The following RIMS1 variants were observed in gnomAD, a reference collection of about 807,000 sequenced individuals.
RIMS1 encodes the protein regulating synaptic membrane exocytosis protein 1.
A neutral mutation model predicts 214.1 loss-of-function variants in RIMS1; 83 were observed. The observed-to-expected ratio is 0.39, with a 90% CI of 0.32 to 0.47. RIMS1 has a LOEUF of 0.47. RIMS1 is among the 20% of genes least tolerant of loss of function. The pLI is 0.99. For missense variants in RIMS1, 2,050 were observed against 2,161.8 expected (o/e 0.95, Z 1.03); for synonymous variants, 793 against 786.8 (o/e 1.01, Z -0.13).
chr6:72,062,977 CTG>C (rs1382595391), intron 2 of RIMS1, among the ~76,000 whole-genome samples: 1 of 152,168 alleles, frequency 6.6e-6, no homozygotes, highest in South Asian at 2.1e-4. Flanking sequence ...TATAAGGACT[CTG>C]TTTTCCAAAT....
chr6:72,043,194 T>A (rs1821939160), intron 2 of RIMS1, among the ~76,000 whole-genome samples: 1 of 151,194 alleles, frequency 6.6e-6, no homozygotes, highest in Non-Finnish European at 1.5e-5. Context: ...GCAAGATCAC[T>A]TACATCACTG....
At chr6:72,171,374 G>A (rs1588492747) in intron 4 of RIMS1, among the ~76,000 whole-genome samples, 1 of 149,244 alleles carries the variant, frequency 6.7e-6, no homozygotes, top group Non-Finnish European at 1.5e-5. Flanking sequence ...ATATATATGT[G>A]TATATATATA....
intron 29 of RIMS1, among the ~76,000 whole-genome samples, chr6:72,388,337 G>A (rs1380264989): frequency 7.2e-5 from 11 of 152,180 alleles, no homozygotes; most frequent in Non-Finnish European, 5.9e-5. Context: ...GGAAATGCAG[G>A]GAAGACAGTG....
intron 6 of RIMS1, among the ~76,000 whole-genome samples, chr6:72,231,610 G>T (rs185392680): frequency 1.3e-5 from 2 of 151,612 alleles, no homozygotes; most frequent in African/African-American, 2.4e-5. Flanking sequence ...GACAGACTAT[G>T]TGTAATATTT....
At chr6:72,017,294 G>C (rs1813082108) in intron 2 of RIMS1, among the ~76,000 whole-genome samples, 1 of 152,182 alleles carries the variant, frequency 6.6e-6, no homozygotes, top group Non-Finnish European at 1.5e-5. Context: ...TATATTGCCA[G>C]TGAAAACAGT....
chr6:72,212,897 A>C, intron 6 of RIMS1: 1 of 1,253,670 alleles, frequency 8.0e-7, no homozygotes, highest in South Asian at 2.5e-5. Context: ...GTAACTGCAC[A>C]GTGCCTGCAG....
intron 27 of RIMS1, among the ~76,000 whole-genome samples, chr6:72,312,047 G>T (rs2095538061): frequency 6.6e-6 from 1 of 152,124 alleles, no homozygotes; most frequent in Non-Finnish European, 1.5e-5. Context: ...AAATAAACAT[G>T]AGACCTTTCT....
chr6:72,263,377 C>A, intron 19 of RIMS1: 6 of 982,462 alleles, frequency 6.1e-6, no homozygotes, highest in Non-Finnish European at 7.3e-6. Context: ...TACCACACAC[C>A]CCTGTTAAGT....
At chr6:72,101,621 G>A (rs922791139) in intron 4 of RIMS1, among the ~76,000 whole-genome samples, 1 of 151,848 alleles carries the variant, frequency 6.6e-6, no homozygotes, top group Non-Finnish European at 1.5e-5. Flanking sequence ...AGATAAGGGT[G>A]AATAAAACTT....
Position 71,887,197 on chromosome 6 carries a change from C to T in RIMS1, c.164+10C>T. The T allele has an allele frequency of 2.5e-6, 4 of 1,598,998 alleles. No individual in the cohort carries two copies. The highest frequency in any genetic ancestry group is 3.4e-6 in the Non-Finnish European group (4 of 1,173,040). On this transcript the variant is annotated intron_variant, in intron 1 of 33. Coordinates refer to ENST00000521978, the MANE Select transcript of RIMS1 (RefSeq NM_014989.7). The stretch of plus-strand genomic sequence containing the variant: ...AAGAAGCCATGCTCAAGTAAGCCAG[C>T]CCCAGCCGCGCCATCCATGCCTCCG...
intron 4 of RIMS1, among the ~76,000 whole-genome samples, chr6:72,143,044 A>G (rs2042268410): frequency 6.6e-6 from 1 of 152,106 alleles, no homozygotes; most frequent in South Asian, 2.1e-4. Context: ...GATGTGATGT[A>G]TTGGTATGTA....
intron 29 of RIMS1, among the ~76,000 whole-genome samples, chr6:72,352,983 C>CTTTT (rs70994123): frequency 8.3e-4 from 73 of 88,270 alleles, no homozygotes; most frequent in East Asian, 1.3e-3. Flanking sequence ...ATTCTTTTTT[C>CTTTT]TTTTTTTTTT....
intron 29 of RIMS1, among the ~76,000 whole-genome samples, chr6:72,384,190 A>G (rs780593608): frequency 2.0e-5 from 3 of 152,150 alleles, no homozygotes; most frequent in African/African-American, 4.8e-5. Context: ...AATTATTCCA[A>G]TCTACATAGA....
At chr6:72,092,229 C>T (rs756016755) in intron 2 of RIMS1, among the ~76,000 whole-genome samples, 18 of 152,002 alleles carry the variant, frequency 1.2e-4, no homozygotes, top group South Asian at 2.1e-4. Context: ...ATTTTAAGGA[C>T]GTAGGAGTGA....
intron 2 of RIMS1, among the ~76,000 whole-genome samples, chr6:71,990,407 C>T (rs1057499039): frequency 2.3e-4 from 35 of 152,240 alleles, no homozygotes; most frequent in African/African-American, 5.8e-4. Flanking sequence ...ACATTTTATA[C>T]TTAATTTGTT....
chr6:72,350,902 C>T (rs989220549), intron 29 of RIMS1, among the ~76,000 whole-genome samples: 2 of 152,082 alleles, frequency 1.3e-5, no homozygotes, highest in Non-Finnish European at 2.9e-5. Flanking sequence ...ATTAGGAATG[C>T]ATTAACTAAG....
At chr6:72,265,319 A>G (rs1435586139) in intron 20 of RIMS1, 71 bp from the exon 21 acceptor site, 4 of 858,226 alleles carry the variant, frequency 4.7e-6, no homozygotes, top group Non-Finnish European at 7.2e-6. Context: ...TGTCATTTGT[A>G]TATTGTTGTA....
rs909248300 is a variant in RIMS1, at chr6:72,168,392, C to A, written c.472-11183C>A. Among the ~76,000 whole-genome samples, 3 of 152,292 alleles carry A rather than the reference C, an allele frequency of 2.0e-5. No homozygotes were observed. In the East Asian group the frequency reaches 5.8e-4, roughly 29 times the overall value. ...GGACTAAGCAAGTGACTGGTGAGAT[C>A]AAATGCATGGTTTGAAGTTTGGACT... On this transcript the variant is annotated intron_variant, in intron 4 of 33. Coordinates refer to ENST00000521978, the MANE Select transcript of RIMS1 (RefSeq NM_014989.7).
intron 8 of RIMS1, among the ~76,000 whole-genome samples, chr6:72,235,962 A>T (rs1208287570): frequency 5.3e-5 from 8 of 152,192 alleles, no homozygotes; most frequent in African/African-American, 1.9e-4. Flanking sequence ...AAAGTAGCAT[A>T]GGTAATGTGG....
Sources: gnomAD v4.1 joint callset for allele counts (sites outside exome capture counted in the v4.1 genomes callset) on GRCh38, gnomAD v4.1.1 for gene constraint, MANE v1.5 for transcripts, NCBI Gene and HGNC (gene_info 2026-07-23, HGNC 2026-07-21) for gene names.